The following KIF26B variants were observed in gnomAD, a reference collection of about 807,000 sequenced individuals.
The protein encoded by KIF26B is kinesin-like protein KIF26B.
KIF26B carries 63 observed loss-of-function variants against 151.2 expected under a neutral mutation model. That is an observed-to-expected ratio of 0.42 (90% CI 0.34 to 0.51). KIF26B has a LOEUF of 0.51. Among genes scored for constraint, KIF26B ranks in the 20% least tolerant of loss-of-function variants. The pLI, the probability that KIF26B is intolerant of heterozygous loss-of-function variation, is 0.07. For missense variants in KIF26B, 2,813 were observed against 2,913.6 expected (o/e 0.97, Z 0.79); for synonymous variants, 1,357 against 1,262.1 (o/e 1.08, Z -1.59).
chr1:245,167,597 A>G lies in KIF26B; in HGVS notation c.465+10914A>G, dbSNP rs1668635430. On this transcript the variant is annotated intron_variant, in intron 2 of 14. Coordinates refer to ENST00000407071, the MANE Select transcript of KIF26B (RefSeq NM_018012.4). The surrounding 1 kb of genome is among the most constrained non-coding windows in gnomAD (Gnocchi z 4.2). ...AGCACCAAAAGCTGTCGAGCTATCT[A>G]ACCAAATGGTTGTACAGAAAATAAA... Among the ~76,000 whole-genome samples, 1 of 152,206 alleles carries G rather than the reference A, an allele frequency of 6.6e-6. No individual in the cohort carries two copies. Among genetic ancestry groups the G allele is most frequent in the Non-Finnish European group, 1.5e-5 (1 of 68,038 alleles).
At chr1:245,362,053 T>A (rs536230930) in intron 2 of KIF26B, among the ~76,000 whole-genome samples, 65 of 151,766 alleles carry the variant, frequency 4.3e-4, no homozygotes, top group Non-Finnish European at 8.7e-4. Context: ...TCAAGGACAC[T>A]GACCTTTCGC....
intron 3 of KIF26B, among the ~76,000 whole-genome samples, chr1:245,369,043 C>T (rs1406017373): frequency 5.3e-5 from 8 of 152,064 alleles, no homozygotes; most frequent in Non-Finnish European, 1.0e-4. Flanking sequence ...GAGGCTGAAA[C>T]GGGAAGATCG....
At chr1:245,394,692 T>TTTTC (rs1553270531) in intron 3 of KIF26B, among the ~76,000 whole-genome samples, 2 of 144,936 alleles carry the variant, frequency 1.4e-5, no homozygotes, top group African/African-American at 5.2e-5. Flanking sequence ...TTCTTTCTTT[T>TTTTC]TTTTTTTTTT....
chr1:245,575,415 C>T (rs544439144), intron 5 of KIF26B, among the ~76,000 whole-genome samples: 1 of 151,846 alleles, frequency 6.6e-6, no homozygotes, highest in South Asian at 2.1e-4. Flanking sequence ...GCAGAGGTTG[C>T]AGTAAGCTGA....
chr1:245,553,990 G>A (rs746045887), intron 5 of KIF26B, among the ~76,000 whole-genome samples: 2 of 152,124 alleles, frequency 1.3e-5, no homozygotes, highest in Non-Finnish European at 2.9e-5. Context: ...GTCTGGCCTC[G>A]GCTTTTACTT....
At chr1:245,638,652 G>C (rs1215313874) in intron 9 of KIF26B, among the ~76,000 whole-genome samples, 4 of 151,720 alleles carry the variant, frequency 2.6e-5, no homozygotes, top group Non-Finnish European at 4.4e-5. Flanking sequence ...ATCTTGTTGA[G>C]GTATGTTCCT....
intron 2 of KIF26B, among the ~76,000 whole-genome samples, chr1:245,243,545 T>C (rs1430340594): frequency 6.6e-6 from 1 of 152,132 alleles, no homozygotes; most frequent in Non-Finnish European, 1.5e-5. Flanking sequence ...TCCCAGTCTG[T>C]GGTTGGTCTT....
intron 3 of KIF26B, among the ~76,000 whole-genome samples, chr1:245,369,498 T>C: frequency 6.6e-6 from 1 of 152,262 alleles, no homozygotes. Context: ...GTCGAAATTT[T>C]CACTTAACTG....
At chr1:245,623,830 C>T (rs2043691911) in intron 9 of KIF26B, among the ~76,000 whole-genome samples, 1 of 152,164 alleles carries the variant, frequency 6.6e-6, no homozygotes, top group African/African-American at 2.4e-5. Context: ...ATCTCTGGTT[C>T]CAAGCATTTC....
rs572407976 is a variant in KIF26B, at chr1:245,585,669, A to G, written c.1351-16908A>G. Among the ~76,000 whole-genome samples the G allele has an allele frequency of 6.6e-5, 10 of 152,302 alleles. No homozygotes were observed. The South Asian group carries it at 1.2e-3, about 19-fold the overall frequency. ...GTAAAACAAGCTTTCTCTTCTCGAG[A>G]GTTCCGAAGCAGATCTGTCTCTGAT... On this transcript the variant is annotated intron_variant, in intron 5 of 14. Transcript: ENST00000407071.
chr1:245,369,328 C>T (rs145219127), intron 3 of KIF26B, among the ~76,000 whole-genome samples: 109 of 152,264 alleles, frequency 7.2e-4, no homozygotes, highest in African/African-American at 2.5e-3. Flanking sequence ...AGTTTTGTTA[C>T]GCCGGACAAG....
intron 12 of KIF26B, among the ~76,000 whole-genome samples, chr1:245,691,961 GTGACCTT>G (rs2044630947): frequency 6.6e-6 from 1 of 152,154 alleles, no homozygotes; most frequent in African/African-American, 2.4e-5. Context: ...CTTGAGCTGT[GTGACCTT>G]TGGGGAATAA....
At chr1:245,177,177 A>T (rs765328799) in intron 2 of KIF26B, among the ~76,000 whole-genome samples, 165 of 152,250 alleles carry the variant, frequency 1.1e-3, no homozygotes, top group Non-Finnish European at 1.4e-3. Flanking sequence ...CTGGCCTCAG[A>T]TGCCTGGCCT....
rs768767470 is a variant in KIF26B at position 245,209,644 on chromosome 1, G to A, written c.465+52961G>A. Among the ~76,000 whole-genome samples, 29 of 152,332 alleles carry A rather than the reference G, an allele frequency of 1.9e-4. No individual in the cohort carries two copies. In the South Asian group the frequency reaches 2.5e-3, roughly 13 times the overall value. ...GCCTGGAGCATGAGAGATTCTCATC[G>A]GTGGACGGTGGAGGTTGAGCATTTC... On this transcript the variant is annotated intron_variant, in intron 2 of 14. Transcript: ENST00000407071.
At chr1:245,584,437 C>T (rs1313423667) in intron 5 of KIF26B, among the ~76,000 whole-genome samples, 1 of 152,206 alleles carries the variant, frequency 6.6e-6, no homozygotes, top group African/African-American at 2.4e-5. Context: ...TCTTATCCAA[C>T]TATACATGCT....
At chr1:245,514,314 G>A (rs2103085832) in intron 4 of KIF26B, among the ~76,000 whole-genome samples, 1 of 152,184 alleles carries the variant, frequency 6.6e-6, no homozygotes, top group Admixed American at 6.5e-5. Context: ...ATCACTTGAG[G>A]TCAGGAGTTC....
chr1:245,479,098 A>T (rs951778311), intron 4 of KIF26B, among the ~76,000 whole-genome samples: 1 of 151,694 alleles, frequency 6.6e-6, no homozygotes. Flanking sequence ...AGAGGGCTGG[A>T]TGGATGAGTC....
At chr1:245,551,157 C>T (rs1399324044) in intron 5 of KIF26B, among the ~76,000 whole-genome samples, 1 of 152,158 alleles carries the variant, frequency 6.6e-6, no homozygotes, top group African/African-American at 2.4e-5. Context: ...GGGATCCTCC[C>T]ACCTCAGCCT....
At chr1:245,383,431 C>G (rs373881707) in intron 3 of KIF26B, among the ~76,000 whole-genome samples, 7 of 152,348 alleles carry the variant, frequency 4.6e-5, no homozygotes, top group African/African-American at 1.7e-4. Context: ...GATTCATTCC[C>G]AGCCTACTTC....
Sources: allele counts gnomAD v4.1 joint callset (sites outside exome capture counted in the v4.1 genomes callset), GRCh38; gene constraint gnomAD v4.1.1; non-coding constraint Gnocchi (gnomAD v3.1); transcripts MANE v1.5; gene names NCBI Gene and HGNC (gene_info 2026-07-23, HGNC 2026-07-21).